The following SUMF1 variants were observed in gnomAD, a reference collection of about 807,000 sequenced individuals.
The protein encoded by SUMF1 is formylglycine-generating enzyme.
In SUMF1, 48 loss-of-function variants were observed where a neutral mutation model predicts 47.6. The observed-to-expected ratio is 1.01, with a 90% confidence interval of 0.80 to 1.28. SUMF1 has a LOEUF of 1.28. Among genes scored for constraint, SUMF1 ranks in the 50% most tolerant of loss-of-function variants. The pLI is 0.00. For missense variants in SUMF1, 571 were observed against 485.4 expected, an observed-to-expected ratio of 1.18 and a Z score of -1.66; for synonymous variants, 230 against 192.1, an observed-to-expected ratio of 1.20 and a Z score of -1.63.
At position 4,106,104 on chromosome 3, in the gene SUMF1, T is replaced by G. The variant is rs185414001; in HGVS notation, c.1015-37359A>C. Among the ~76,000 whole-genome samples, 43 of 152,192 alleles carry G rather than the reference T, an allele frequency of 2.8e-4. 2 individuals carry two copies. Among genetic ancestry groups the G allele is most frequent in the African/African-American group, 9.9e-4 (41 of 41,502 alleles). On this transcript the variant is annotated intron_variant and NMD_transcript_variant, in intron 8 of 12. Transcript: ENST00000448413. Reference sequence around the variant, plus strand: ...AACTTTTCACTATAATAAACAATACTTCAGTGAACCTCCTTCTCTAAGTCA... The same window carrying G: ...AACTTTTCACTATAATAAACAATACGTCAGTGAACCTCCTTCTCTAAGTCA...
chr3:4,437,565 A>G (rs1457834244), intron 3 of SUMF1, among the ~76,000 whole-genome samples: 3 of 152,240 alleles, frequency 2.0e-5, no homozygotes, highest in Non-Finnish European at 4.4e-5. Context: ...CTTAACTGAA[A>G]GACAAAGAAT....
At chr3:4,202,065 C>G (rs577512960) in intron 8 of SUMF1, among the ~76,000 whole-genome samples, 1 of 152,014 alleles carries the variant, frequency 6.6e-6, no homozygotes, top group Admixed American at 6.6e-5. Flanking sequence ...TCTCTTCACA[C>G]TGTTGATTGT....
chr3:4,172,617 T>A (rs1457370327), intron 8 of SUMF1, among the ~76,000 whole-genome samples: 2 of 152,218 alleles, frequency 1.3e-5, no homozygotes, highest in Non-Finnish European at 2.9e-5. Context: ...ATAAGTTTCA[T>A]ATGTTTGTTG....
At chr3:4,186,545 G>C (rs956340481) in intron 8 of SUMF1, among the ~76,000 whole-genome samples, 2 of 152,100 alleles carry the variant, frequency 1.3e-5, no homozygotes, top group Non-Finnish European at 2.9e-5. Flanking sequence ...ATGGCCTAGA[G>C]TAAGTGGAAG....
chr3:4,111,817 G>T (rs73129196), intron 8 of SUMF1, among the ~76,000 whole-genome samples: 1 of 151,962 alleles, frequency 6.6e-6, no homozygotes, highest in African/African-American at 2.4e-5. Context: ...AACGTAAAAG[G>T]TGTTTTAGTA....
At chr3:4,221,369 T>C (rs149904072) in intron 8 of SUMF1, among the ~76,000 whole-genome samples, 296 of 152,114 alleles carry the variant, frequency 1.9e-3, no homozygotes, top group Non-Finnish European at 3.0e-3. Flanking sequence ...AGTGCAACTT[T>C]TCATGTACTT....
chr3:4,087,511 A>G (rs532726461), intron 8 of SUMF1, among the ~76,000 whole-genome samples: 12 of 152,222 alleles, frequency 7.9e-5, no homozygotes, highest in African/African-American at 2.4e-4. Context: ...GTAGTTCTCA[A>G]ACTTTTTGGT....
intron 8 of SUMF1, among the ~76,000 whole-genome samples, chr3:4,246,640 T>C (rs1267265159): frequency 6.6e-6 from 1 of 152,154 alleles, no homozygotes; most frequent in Non-Finnish European, 1.5e-5. Context: ...GACCTCGTGA[T>C]CCACCTGCCT....
chr3:4,418,858 A>G (rs1291824625), intron 4 of SUMF1, among the ~76,000 whole-genome samples: 2 of 152,180 alleles, frequency 1.3e-5, no homozygotes, highest in African/African-American at 2.4e-5. Context: ...AAAACTGAGA[A>G]AAAGGGGATA....
At chr3:4,068,772 A>AAGG (rs1348064395) in intron 8 of SUMF1, 2 of 339,696 alleles carry the variant, frequency 5.9e-6, no homozygotes, top group African/African-American at 4.3e-5. Flanking sequence ...GAAGAAGAAG[A>AAGG]AGAAATAATA....
chr3:4,054,193 G>A (rs1018351891), intron 9 of SUMF1, among the ~76,000 whole-genome samples: 2 of 152,130 alleles, frequency 1.3e-5, no homozygotes, highest in East Asian at 3.9e-4. Context: ...AATGAACACA[G>A]GCCAATAGTG....
chr3:4,428,684 C>G (rs1461257126), intron 3 of SUMF1, among the ~76,000 whole-genome samples: 1 of 148,890 alleles, frequency 6.7e-6, no homozygotes, highest in Non-Finnish European at 1.5e-5. Flanking sequence ...GAAACGTCTA[C>G]AGCGAACATA....
chr3:4,153,400 G>C (rs1694381820), intron 8 of SUMF1, among the ~76,000 whole-genome samples: 1 of 151,140 alleles, frequency 6.6e-6, no homozygotes. Context: ...ATTTTTTGTA[G>C]AGTTAGGATC....
chr3:4,241,524 AAC>A (rs896348466), intron 8 of SUMF1, among the ~76,000 whole-genome samples: 1 of 152,160 alleles, frequency 6.6e-6, no homozygotes, highest in African/African-American at 2.4e-5. Flanking sequence ...TGTGTCTCTT[AAC>A]ACAGAGTTAT....
At chr3:4,267,120 A>T (rs987090164) in intron 8 of SUMF1, among the ~76,000 whole-genome samples, 1 of 152,040 alleles carries the variant, frequency 6.6e-6, no homozygotes, top group African/African-American at 2.4e-5. Flanking sequence ...TGCTGGATTC[A>T]GTTTGCCAGT....
rs10510292 is a variant in SUMF1 at position 4,425,602 on chromosome 3, T to A, written c.520-5456A>T. ...AGGAAGTATTGGAACATGTGTCACT[T>A]CCAAAGACTTCTCAAGAAGATGTAC... On this transcript the variant is annotated intron_variant, in intron 3 of 8. Transcript: ENST00000272902. Among the ~76,000 whole-genome samples the A allele has an allele frequency of 4.0e-3, 605 of 152,174 alleles. 4 individuals carry two copies. The highest frequency in any genetic ancestry group is 0.013 in the African/African-American group (543 of 41,512).
intron 8 of SUMF1, among the ~76,000 whole-genome samples, chr3:4,125,504 C>A (rs898489701): frequency 2.0e-5 from 3 of 152,150 alleles, no homozygotes; most frequent in Non-Finnish European, 4.4e-5. Flanking sequence ...TACAATCTAT[C>A]TGCTTTTTAC....
chr3:4,259,495 T>C (rs1269874748), intron 8 of SUMF1, among the ~76,000 whole-genome samples: 6 of 152,186 alleles, frequency 3.9e-5, no homozygotes, highest in African/African-American at 1.4e-4. Context: ...TTCTGTCTTT[T>C]TGACAAAATA....
At chr3:4,150,365 C>G (rs1018788282) in intron 8 of SUMF1, among the ~76,000 whole-genome samples, 12 of 151,650 alleles carry the variant, frequency 7.9e-5, no homozygotes, top group East Asian at 5.8e-4. Flanking sequence ...AGTTTGCGAC[C>G]AGCCTGGGCA....
Sources: allele counts gnomAD v4.1 joint callset (sites outside exome capture counted in the v4.1 genomes callset), GRCh38; gene constraint gnomAD v4.1.1; transcripts MANE v1.5; gene names NCBI Gene and HGNC (gene_info 2026-07-23, HGNC 2026-07-21).